The following CFAP58 variants were observed in gnomAD, a reference collection of about 807,000 sequenced individuals.
The protein encoded by CFAP58 is cilia- and flagella-associated protein 58.
In CFAP58, 88 loss-of-function variants were observed where a neutral mutation model predicts 119.5. That is an observed-to-expected ratio of 0.74 (90% CI 0.62 to 0.88). The LOEUF (loss-of-function observed/expected upper bound fraction) is 0.88, where lower values mean the gene tolerates loss of function less well. Ranked by LOEUF, CFAP58 falls within the 40% of genes least tolerant of loss-of-function variation. The pLI, the probability that CFAP58 is intolerant of heterozygous loss-of-function variation, is 0.00. For synonymous variants in CFAP58, 365 were observed against 366.3 expected (o/e 1.00, Z 0.04); for missense variants, 990 against 1,021.2 (o/e 0.97, Z 0.42).
upstream of CFAP58, among the ~76,000 whole-genome samples, chr10:104,350,832 T>C (rs2014451394): frequency 6.6e-6 from 1 of 152,226 alleles, no homozygotes; most frequent in Non-Finnish European, 1.5e-5. Context: ...GTGCCTACCA[T>C]GCAGTACGTT....
intron 15 of CFAP58, among the ~76,000 whole-genome samples, 166 bp from the exon 16 acceptor site, chr10:104,447,532 G>A (rs2013128793): frequency 6.6e-6 from 1 of 152,132 alleles, no homozygotes; most frequent in Admixed American, 6.5e-5. Context: ...CCCTTCATAA[G>A]GATTGTTTCA....
At chr10:104,423,566 A>G (rs1246691747) in intron 15 of CFAP58, among the ~76,000 whole-genome samples, 1 of 152,002 alleles carries the variant, frequency 6.6e-6, no homozygotes. Context: ...TTAGAAACAA[A>G]TAACAATAAC....
intron 15 of CFAP58, among the ~76,000 whole-genome samples, chr10:104,426,759 A>G (rs2012757382): frequency 2.0e-5 from 3 of 152,282 alleles, no homozygotes; most frequent in South Asian, 4.1e-4. Context: ...GTTGAGAGCT[A>G]TTGATTTTTG....
At chr10:104,409,839 T>G (rs1013058630) in intron 15 of CFAP58, among the ~76,000 whole-genome samples, 1 of 147,530 alleles carries the variant, frequency 6.8e-6, no homozygotes, top group African/African-American at 2.6e-5. Context: ...TTTAGGAATA[T>G]CTCTTGTAAT....
At chr10:104,438,200 C>G (rs1169634772) in intron 15 of CFAP58, among the ~76,000 whole-genome samples, 1 of 152,176 alleles carries the variant, frequency 6.6e-6, no homozygotes, top group African/African-American at 2.4e-5. Flanking sequence ...CAGCTTAAAA[C>G]AACACACATT....
intron 2 of CFAP58, among the ~76,000 whole-genome samples, chr10:104,359,180 G>A (rs1052430894): frequency 6.6e-6 from 1 of 152,170 alleles, no homozygotes; most frequent in Non-Finnish European, 1.5e-5. Context: ...ATCCTTAAGT[G>A]TGTTGCATTA....
chr10:104,350,523 C>T (rs1162967292), upstream of CFAP58, among the ~76,000 whole-genome samples: 1 of 152,186 alleles, frequency 6.6e-6, no homozygotes, highest in Non-Finnish European at 1.5e-5. Flanking sequence ...ATGCCCCCTG[C>T]ATCTCTTTCC....
At chr10:104,367,674 A>G (rs1433894752) in intron 5 of CFAP58, among the ~76,000 whole-genome samples, 2 of 152,302 alleles carry the variant, frequency 1.3e-5, no homozygotes, top group East Asian at 3.9e-4. Context: ...TTTCATGCTT[A>G]ATTTTTGTGT....
At chr10:104,339,634 T>C in the CFAP58 span, among the ~76,000 whole-genome samples, 1 of 152,230 alleles carries the variant, frequency 6.6e-6, no homozygotes, top group African/African-American at 2.4e-5. Context: ...TGGAAGACTT[T>C]TTGGCTGAGT....
chr10:104,445,952 T>C (rs2013107455), intron 15 of CFAP58, among the ~76,000 whole-genome samples: 1 of 152,232 alleles, frequency 6.6e-6, no homozygotes, highest in African/African-American at 2.4e-5. Context: ...CCAAACCAGA[T>C]TGCTTTCTCT....
In CFAP58 at chr10:104,392,330, A is replaced by G; in HGVS notation, c.1463A>G (p.Gln488Arg). ...TCAGAGATTAAATTAAAACAGCAAC[A>G]GAACCTATATGAAGCTGTGAGATCA... ...AESEIKLKQQ[Q>R]NLYEAVRSDR... Residue 488 changes from glutamine (Q) to arginine (R), a missense_variant, in exon 10 of 18, where the codon CAG (glutamine) becomes CGG (arginine). Transcript: ENST00000369704. 1 of 1,612,936 alleles carries G rather than the reference A, an allele frequency of 6.2e-7. No homozygotes were observed. The highest frequency in any genetic ancestry group is 8.5e-7 in the Non-Finnish European group (1 of 1,179,528).
intron 11 of CFAP58, among the ~76,000 whole-genome samples, 179 bp from the exon 12 acceptor site, chr10:104,399,175 AGTGTGT>A (rs35611566): frequency 7.4e-5 from 11 of 149,102 alleles, no homozygotes; most frequent in East Asian, 3.9e-4. Context: ...TTTCTTTATG[AGTGTGT>A]GTGTGTGTGT....
chr10:104,381,033 C>G (rs547408289), intron 9 of CFAP58, among the ~76,000 whole-genome samples: 2 of 152,000 alleles, frequency 1.3e-5, no homozygotes, highest in Non-Finnish European at 2.9e-5. Flanking sequence ...TCCTATGATC[C>G]CAACTACTTG....
chr10:104,363,457 A>C (rs1346959731), intron 3 of CFAP58, among the ~76,000 whole-genome samples: 1 of 152,142 alleles, frequency 6.6e-6, no homozygotes, highest in Admixed American at 6.6e-5. Flanking sequence ...TGGGAGAGGG[A>C]ATAGGAAATA....
chr10:104,362,058 C>G lies in CFAP58; in HGVS notation c.327C>G (p.Ala109=). ...AGGCCTGGAAGATGGTGGACTCAGC[C>G]TATGACAAAGAGCAGAAGGCCAAGG... ...IEKAWKMVDS[A]YDKEQKAKET... The change falls in exon 3 of 18, where the codon GCC becomes GCG. Residue 109 remains alanine, a synonymous_variant. Coordinates refer to ENST00000369704, the MANE Select transcript of CFAP58 (RefSeq NM_001008723.2). The G allele has an allele frequency of 6.2e-7, 1 of 1,614,080 alleles. No individual in the cohort carries two copies. The highest frequency in any genetic ancestry group is 8.5e-7 in the Non-Finnish European group (1 of 1,179,994).
rs1295607101 is a variant in CFAP58 at position 104,399,503 on chromosome 10, A to C, written c.1815+3A>C. On this transcript the variant is annotated splice_donor_region_variant and intron_variant, in intron 12 of 17. Coordinates refer to ENST00000369704, the MANE Select transcript of CFAP58 (RefSeq NM_001008723.2). ...GACAGAAGAAGGAATTAGACCAGGT[A>C]GAGCATCTCCTTGTCAGACTTGCAG... The C allele has an allele frequency of 6.2e-7, 1 of 1,613,014 alleles. No homozygotes were observed. Among genetic ancestry groups the C allele is most frequent in the Non-Finnish European group, 8.5e-7 (1 of 1,179,494 alleles).
intron 7 of CFAP58, among the ~76,000 whole-genome samples, chr10:104,376,502 CAAAAAAA>C (rs1282859666): frequency 2.1e-5 from 1 of 48,246 alleles, no homozygotes; most frequent in African/African-American, 6.7e-5. Context: ...AACTCCGTCT[CAAAAAAA>C]AAAAAAAAAA....
chr10:104,431,630 A>T (rs1380029779), intron 15 of CFAP58, among the ~76,000 whole-genome samples: 1 of 152,202 alleles, frequency 6.6e-6, no homozygotes, highest in Non-Finnish European at 1.5e-5. Context: ...TTTTTAAAAA[A>T]TGAAGTGAAT....
intron 12 of CFAP58, 107 bp from the exon 13 acceptor site, chr10:104,400,573 A>G: frequency 5.6e-6 from 5 of 887,662 alleles, no homozygotes; most frequent in Non-Finnish European, 9.3e-6. Flanking sequence ...TGTGGTGCCC[A>G]GTACATGTGG....
Sources: allele counts gnomAD v4.1 joint callset (sites outside exome capture counted in the v4.1 genomes callset), GRCh38; gene constraint gnomAD v4.1.1; transcripts MANE v1.5; gene names NCBI Gene and HGNC (gene_info 2026-07-23, HGNC 2026-07-21).